RUVBL1: variants seen among roughly 807,000 people sequenced by gnomAD.
The protein encoded by RUVBL1 is RuvB like AAA ATPase 1.
Under a neutral mutation model 52.4 loss-of-function variants are expected in RUVBL1, and 4 were observed. The ratio of observed to expected loss-of-function variants is 0.08; its 90% CI spans 0.04 to 0.17. The LOEUF (loss-of-function observed/expected upper bound fraction) is 0.17, where lower values mean the gene tolerates loss of function less well. Among genes scored for constraint, RUVBL1 ranks in the 10% least tolerant of loss-of-function variants. The probability of loss-of-function intolerance (pLI) is 1.00; values close to 1 mark genes in which losing one functional copy is unlikely to be tolerated. For missense variants in RUVBL1, 298 were observed against 572.8 expected, an observed-to-expected ratio of 0.52 and a Z score of 4.90; for synonymous variants, 217 against 214.4, an observed-to-expected ratio of 1.01 and a Z score of -0.10.
At chr3:128,134,358 A>T (rs1229970897) in intron 1 of RUVBL1, among the ~76,000 whole-genome samples, 1 of 150,960 alleles carries the variant, frequency 6.6e-6, no homozygotes, top group Admixed American at 6.6e-5. Flanking sequence ...GCTACTCAGG[A>T]GGCTGAGGCA....
intron 3 of RUVBL1, among the ~76,000 whole-genome samples, chr3:128,108,933 C>T (rs933871221): frequency 3.9e-5 from 6 of 152,078 alleles, no homozygotes; most frequent in Admixed American, 2.6e-4. Flanking sequence ...CAGATATAGA[C>T]GCTGAGCTAA....
At chr3:128,152,315 G>A (rs1944232421) in intron 1 of RUVBL1, among the ~76,000 whole-genome samples, 1 of 152,196 alleles carries the variant, frequency 6.6e-6, no homozygotes, top group African/African-American at 2.4e-5. Context: ...CTCTCAGGGT[G>A]AGAATTTCTG....
intron 9 of RUVBL1, chr3:128,068,109 T>A: frequency 6.8e-7 from 1 of 1,470,320 alleles, no homozygotes; most frequent in Non-Finnish European, 9.5e-7. Context: ...ACATGTGTTG[T>A]TTCTTTCCAT....
chr3:128,091,223 A>C (rs562609631), intron 8 of RUVBL1, among the ~76,000 whole-genome samples: 1 of 129,682 alleles, frequency 7.7e-6, no homozygotes, highest in South Asian at 2.7e-4. Context: ...GATGCTGCTG[A>C]GTGGGCTGGC....
intron 9 of RUVBL1, among the ~76,000 whole-genome samples, chr3:128,066,066 C>A (rs1039961074): frequency 1.3e-5 from 2 of 152,076 alleles, no homozygotes; most frequent in Admixed American, 6.5e-5. Flanking sequence ...TTTAAATCCT[C>A]TGTATTCCGA....
intron 8 of RUVBL1, 56 bp downstream of exon 8, chr3:128,097,244 A>C: frequency 6.6e-7 from 1 of 1,515,220 alleles, no homozygotes; most frequent in Non-Finnish European, 9.1e-7. Context: ...CCTGAGGAAC[A>C]AATGAGCCCA....
At chr3:128,105,135 T>TA (rs1428802643) in intron 3 of RUVBL1, among the ~76,000 whole-genome samples, 2 of 147,430 alleles carry the variant, frequency 1.4e-5, no homozygotes, top group Admixed American at 1.4e-4. Context: ...TTTTTTGAGA[T>TA]AGAGTCTCGC....
rs1409314183 is a variant in RUVBL1 at position 128,082,339 on chromosome 3, G to A, written c.1211+144C>T. The A allele has an allele frequency of 3.2e-6, 2 of 633,938 alleles. No homozygotes were observed. Among genetic ancestry groups the A allele is most frequent in the Non-Finnish European group, 5.6e-6 (2 of 356,760 alleles). 39.3% of individuals were successfully genotyped at this position (633,938 alleles called of 1,614,324 possible). ...GATCCTCTGCATTTGAAACTCAAGTGCCCTGGCACCCATCGCGCCAGGAAG... is the reference window on the plus strand; with the variant it reads ...GATCCTCTGCATTTGAAACTCAAGTACCCTGGCACCCATCGCGCCAGGAAG... On this transcript the variant is annotated intron_variant, in intron 10 of 10. Transcript: ENST00000322623. The surrounding 1 kb of genome is among the most constrained non-coding windows in gnomAD (Gnocchi z 4.7).
intron 1 of RUVBL1, among the ~76,000 whole-genome samples, chr3:128,148,151 T>C (rs534401640): frequency 7.2e-5 from 11 of 152,090 alleles, no homozygotes; most frequent in African/African-American, 2.2e-4. Context: ...GAGTCTGTTT[T>C]GTATCTTGAT....
intron 1 of RUVBL1, among the ~76,000 whole-genome samples, chr3:128,119,926 C>A (rs1165197820): frequency 6.6e-6 from 1 of 152,182 alleles, no homozygotes; most frequent in Non-Finnish European, 1.5e-5. Context: ...GAACGCAGAA[C>A]AGGAACTTAC....
chr3:128,092,259 GA>G (rs1942859633), intron 8 of RUVBL1, among the ~76,000 whole-genome samples: 1 of 152,138 alleles, frequency 6.6e-6, no homozygotes, highest in Admixed American at 6.5e-5. Flanking sequence ...ACTCTTAGGA[GA>G]AAACACAAGC....
At chr3:128,097,635 G>T in intron 7 of RUVBL1, 137 bp from the exon 8 acceptor site, 1 of 722,090 alleles carries the variant, frequency 1.4e-6, no homozygotes, top group Non-Finnish European at 2.4e-6. Context: ...CCCAGACAGG[G>T]TGTGTCCCCA....
chr3:128,119,485 C>A, intron 1 of RUVBL1, 71 bp from the exon 2 acceptor site: 1 of 1,258,638 alleles, frequency 7.9e-7, no homozygotes, highest in Non-Finnish European at 1.1e-6. Flanking sequence ...ATCTCAGTCC[C>A]TGGCCTACAC....
At chr3:128,153,210 G>C (rs1450737937) in exon 1 of RUVBL1, 1 of 1,313,520 alleles carries the variant, frequency 7.6e-7, no homozygotes, top group Admixed American at 4.1e-5. Context: ...CACCCAGAAA[G>C]TCCAAATGGC....
downstream of RUVBL1, among the ~76,000 whole-genome samples, chr3:128,077,175 C>T (rs1004983042): frequency 3.3e-5 from 5 of 152,110 alleles, no homozygotes; most frequent in Non-Finnish European, 5.9e-5. Flanking sequence ...ACGGCCTGGC[C>T]ATTAATCACC....
chr3:128,137,591 T>C (rs1472837576), intron 1 of RUVBL1, among the ~76,000 whole-genome samples: 1 of 152,182 alleles, frequency 6.6e-6, no homozygotes, highest in Non-Finnish European at 1.5e-5. Context: ...ATGGCTTTAG[T>C]GCTGAATTTT....
At chr3:128,146,855 C>T (rs959458979) in intron 1 of RUVBL1, among the ~76,000 whole-genome samples, 5 of 152,204 alleles carry the variant, frequency 3.3e-5, no homozygotes, top group Admixed American at 6.5e-5. Context: ...GTTTGTGTCT[C>T]TGTGAGTGTG....
At chr3:128,074,361 A>T (rs1942247898) in intron 9 of RUVBL1, among the ~76,000 whole-genome samples, 1 of 146,138 alleles carries the variant, frequency 6.8e-6, no homozygotes, top group Non-Finnish European at 1.5e-5. Flanking sequence ...CTAGAGCAGG[A>T]AAACCTAATC....
intron 3 of RUVBL1, among the ~76,000 whole-genome samples, chr3:128,108,325 C>G (rs1256376497): frequency 6.6e-6 from 1 of 152,078 alleles, no homozygotes. Context: ...TTCTTTTCAC[C>G]TCGCTGCCAT....
Sources: allele counts gnomAD v4.1 joint callset (sites outside exome capture counted in the v4.1 genomes callset), GRCh38; gene constraint gnomAD v4.1.1; non-coding constraint Gnocchi (gnomAD v3.1); transcripts MANE v1.5; gene names NCBI Gene and HGNC (gene_info 2026-07-23, HGNC 2026-07-21).